Variants in MEOX2 observed in about 807,000 individuals in gnomAD.
MEOX2 encodes the protein mesenchyme homeobox 2, also known as homeobox protein MOX-2.
A neutral mutation model predicts 27.0 loss-of-function variants in MEOX2; 11 were observed. The ratio of observed to expected loss-of-function variants is 0.41; its 90% CI spans 0.26 to 0.68. The LOEUF (loss-of-function observed/expected upper bound fraction) is 0.68, where lower values mean the gene tolerates loss of function less well. Ranked by LOEUF, MEOX2 falls within the 30% of genes least tolerant of loss-of-function variation. The pLI is 0.33. For synonymous variants in MEOX2, 189 were observed against 155.4 expected, an observed-to-expected ratio of 1.22 and a Z score of -1.61; for missense variants, 436 against 385.4, an observed-to-expected ratio of 1.13 and a Z score of -1.10.
chr7:15,641,390 A>G (rs937439521), intron 1 of MEOX2, among the ~76,000 whole-genome samples: 1 of 151,874 alleles, frequency 6.6e-6, no homozygotes, highest in Admixed American at 6.6e-5. Context: ...TGTTTGTTTT[A>G]ACTGTTGTTG....
chr7:15,636,248 A>G (rs1225432011), intron 1 of MEOX2, among the ~76,000 whole-genome samples: 3 of 152,016 alleles, frequency 2.0e-5, no homozygotes, highest in Admixed American at 6.6e-5. Context: ...TTCTTCATAT[A>G]GAGGGTTTGA....
intron 1 of MEOX2, among the ~76,000 whole-genome samples, chr7:15,668,713 T>C (rs1782049952): frequency 6.6e-6 from 1 of 152,096 alleles, no homozygotes. Flanking sequence ...TGATCTCAGA[T>C]GATCCGCTCG....
chr7:15,643,824 C>T (rs766468586), intron 1 of MEOX2, among the ~76,000 whole-genome samples: 1 of 152,186 alleles, frequency 6.6e-6, no homozygotes, highest in Non-Finnish European at 1.5e-5. Flanking sequence ...CATTTTCATG[C>T]CCCTATGCAG....
chr7:15,628,461 T>C (rs774163554), intron 1 of MEOX2, among the ~76,000 whole-genome samples: 1 of 152,138 alleles, frequency 6.6e-6, no homozygotes, highest in African/African-American at 2.4e-5. Flanking sequence ...CACTCACTGG[T>C]GCACTGGCAC....
intron 1 of MEOX2, among the ~76,000 whole-genome samples, chr7:15,676,832 T>A (rs1282564052): frequency 6.6e-6 from 1 of 151,024 alleles, no homozygotes; most frequent in Admixed American, 6.6e-5. Flanking sequence ...CACTCCAGCC[T>A]GGGCAACAGA....
At chr7:15,658,869 A>G (rs1486142012) in intron 1 of MEOX2, among the ~76,000 whole-genome samples, 1 of 152,172 alleles carries the variant, frequency 6.6e-6, no homozygotes, top group Non-Finnish European at 1.5e-5. Context: ...ATAAATATTT[A>G]TTTTTTAAGA....
chr7:15,677,165 T>G (rs1583793016), intron 1 of MEOX2, among the ~76,000 whole-genome samples: 1 of 152,328 alleles, frequency 6.6e-6, no homozygotes, highest in Middle Eastern at 3.4e-3. Context: ...TAGCAGTATT[T>G]GTAATAAAAT....
At chr7:15,685,427 A>G (rs565345804) in intron 1 of MEOX2, among the ~76,000 whole-genome samples, 26 of 152,206 alleles carry the variant, frequency 1.7e-4, no homozygotes, top group Admixed American at 4.6e-4. Context: ...ACATTGTGCA[A>G]TAATTTGGAA....
At chr7:15,617,855 G>A (rs145616301) in intron 2 of MEOX2, among the ~76,000 whole-genome samples, 2 of 152,168 alleles carry the variant, frequency 1.3e-5, no homozygotes, top group African/African-American at 4.8e-5. Context: ...GCTCATTAAT[G>A]TAATCATAAC....
chr7:15,665,041 T>TCACACACACACACA (rs35772927), intron 1 of MEOX2, among the ~76,000 whole-genome samples: 5 of 141,222 alleles, frequency 3.5e-5, no homozygotes, highest in Admixed American at 7.2e-5. Flanking sequence ...TAAGTGGACA[T>TCACACACACACACA]CACACACACA....
intron 1 of MEOX2, among the ~76,000 whole-genome samples, chr7:15,659,827 T>C (rs1220294548): frequency 2.0e-5 from 3 of 150,600 alleles, no homozygotes; most frequent in Admixed American, 6.6e-5. Context: ...TTATGCGATA[T>C]AGATTCTTTA....
intron 1 of MEOX2, among the ~76,000 whole-genome samples, chr7:15,628,632 G>A (rs923370271): frequency 1.3e-5 from 2 of 152,090 alleles, no homozygotes; most frequent in African/African-American, 4.8e-5. Context: ...GAAAGCCACT[G>A]GGACCAGGTG....
intron 1 of MEOX2, among the ~76,000 whole-genome samples, chr7:15,644,746 G>A (rs1244719652): frequency 1.3e-5 from 2 of 152,136 alleles, no homozygotes; most frequent in African/African-American, 4.8e-5. Flanking sequence ...ATCTTTTTCT[G>A]GAGTAATGTA....
chr7:15,661,649 G>T (rs532301081), intron 1 of MEOX2, among the ~76,000 whole-genome samples: 160 of 152,230 alleles, frequency 1.1e-3, no homozygotes, highest in Middle Eastern at 3.4e-3. Flanking sequence ...TCCTTTTATG[G>T]CAAGGCAAAC....
intron 1 of MEOX2, among the ~76,000 whole-genome samples, chr7:15,654,284 A>C (rs1341426882): frequency 7.2e-5 from 11 of 151,896 alleles, no homozygotes; most frequent in African/African-American, 2.4e-4. Context: ...CTCACATATA[A>C]GTTCTAATAT....
At chr7:15,624,896 C>T (rs573600302) in intron 2 of MEOX2, among the ~76,000 whole-genome samples, 1 of 152,134 alleles carries the variant, frequency 6.6e-6, no homozygotes, top group South Asian at 2.1e-4. Flanking sequence ...AATTCTTTAC[C>T]AAGCTCCTGA....
At chr7:15,657,256 C>G (rs539737915) in intron 1 of MEOX2, among the ~76,000 whole-genome samples, 10 of 152,046 alleles carry the variant, frequency 6.6e-5, no homozygotes, top group South Asian at 2.1e-4. Context: ...AAATTTCAGC[C>G]ATTATTTCAA....
intron 2 of MEOX2, among the ~76,000 whole-genome samples, chr7:15,620,796 C>T (rs971356232): frequency 2.0e-5 from 3 of 152,138 alleles, no homozygotes; most frequent in Non-Finnish European, 4.4e-5. Flanking sequence ...TTTATCTTGG[C>T]AGAAGTATCA....
chr7:15,661,487 C>T (rs1400854835), intron 1 of MEOX2, among the ~76,000 whole-genome samples: 4 of 152,260 alleles, frequency 2.6e-5, no homozygotes, highest in African/African-American at 7.2e-5. Context: ...TTAAAATCAA[C>T]CACATATGTT....
Sources: allele counts gnomAD v4.1 joint callset (sites outside exome capture counted in the v4.1 genomes callset), GRCh38; gene constraint gnomAD v4.1.1; transcripts MANE v1.5; gene names NCBI Gene and HGNC (gene_info 2026-07-23, HGNC 2026-07-21).